The following MAX variants were observed in gnomAD, a reference collection of about 807,000 sequenced individuals.
The protein encoded by MAX is protein max.
In MAX, 3 loss-of-function variants were observed where a neutral mutation model predicts 22.3. The ratio of observed to expected loss-of-function variants is 0.13; its 90% CI spans 0.06 to 0.35. The LOEUF is 0.35. Among genes scored for constraint, MAX ranks in the 10% least tolerant of loss-of-function variants. MAX has a pLI of 1.00. For synonymous variants in MAX, 72 were observed against 77.7 expected (o/e 0.93, Z 0.39); for missense variants, 119 against 209.4 (o/e 0.57, Z 2.66).
chr14:65,076,763 T>C lies in MAX; in HGVS notation c.296-100A>G. On this transcript the variant is annotated intron_variant, in intron 4 of 4. Coordinates refer to ENST00000358664, the MANE Select transcript of MAX (RefSeq NM_002382.5). This position sits in a 1 kb window ranked among gnomAD's most constrained non-coding sequence, Gnocchi z 6.6. ...CAGCCTGTTCTTCCTAAGGGCTTGCTTGTTGGCCCCCGAGGCTCAAGATGC... is the reference window on the plus strand; with the variant it reads ...CAGCCTGTTCTTCCTAAGGGCTTGCCTGTTGGCCCCCGAGGCTCAAGATGC... The C allele has an allele frequency of 6.9e-7, 1 of 1,441,802 alleles. No individual in the cohort carries two copies. The highest frequency in any genetic ancestry group is 9.8e-7 in the Non-Finnish European group (1 of 1,025,408). 89.3% of individuals were successfully genotyped at this position (1,441,802 alleles called of 1,614,324 possible). A position where few individuals can be genotyped will look rare whatever the true frequency, so the allele number is the denominator to read the frequency against.
At chr14:65,020,917 A>G (rs1288941163) in intron 3 of MAX, among the ~76,000 whole-genome samples, 1 of 151,542 alleles carries the variant, frequency 6.6e-6, no homozygotes, top group African/African-American at 2.4e-5. Flanking sequence ...TTTTGTAAAG[A>G]CAGGCTTTCA....
chr14:65,089,339 T>C (rs2063432606), intron 3 of MAX, among the ~76,000 whole-genome samples: 1 of 152,172 alleles, frequency 6.6e-6, no homozygotes, highest in Non-Finnish European at 1.5e-5. Context: ...TTTCTTTATT[T>C]TCATTTGAAG....
At chr14:65,095,230 A>G (rs1284465599) in intron 2 of MAX, among the ~76,000 whole-genome samples, 2 of 152,212 alleles carry the variant, frequency 1.3e-5, no homozygotes, top group African/African-American at 4.8e-5. Flanking sequence ...GTTGAACTGG[A>G]CATGTGGTTC....
chr14:65,053,449 G>A (rs755083134), intron 3 of MAX: 1 of 1,029,290 alleles, frequency 9.7e-7, no homozygotes, highest in Non-Finnish European at 1.3e-6. Flanking sequence ...GAGCAGAGGT[G>A]TCACCTTCAG....
At chr14:65,085,747 G>A (rs977980697) in intron 3 of MAX, among the ~76,000 whole-genome samples, 5 of 152,168 alleles carry the variant, frequency 3.3e-5, no homozygotes, top group South Asian at 2.1e-4. Flanking sequence ...GGAAATAGAG[G>A]ACAGGCTGCA....
In MAX at chr14:65,008,665, A is replaced by C. The variant is rs1260618677; in HGVS notation, c.172-2381T>G. Among the ~76,000 whole-genome samples the C allele has an allele frequency of 2.6e-5, 4 of 152,330 alleles. No individual in the cohort carries two copies. The East Asian group carries it at 5.8e-4, about 22-fold the overall frequency. On this transcript the variant is annotated intron_variant, in intron 3 of 3. Coordinates refer to the MAX transcript ENST00000341653. ...GGGGAGAGTGTTCCAGGCAGAGGGA[A>C]CAGCATGTGCTAAAGCCAGGAGACT...
chr14:65,018,979 G>T lies in MAX; in HGVS notation c.172-12695C>A, dbSNP rs536428022. Among the ~76,000 whole-genome samples, 6 of 151,970 alleles carry T rather than the reference G, an allele frequency of 3.9e-5. No homozygotes were observed. The South Asian group carries it at 1.2e-3, about 32-fold the overall frequency. The stretch of plus-strand genomic sequence containing the variant: ...TACAAAATTAGCCAAGCGTGGTGGC[G>T]CATGCCTGTAATCCTACTCAGGAGG... On this transcript the variant is annotated intron_variant, in intron 3 of 3. Coordinates refer to the MAX transcript ENST00000341653.
intron 3 of MAX, among the ~76,000 whole-genome samples, chr14:65,041,467 T>G (rs1444814138): frequency 6.6e-6 from 1 of 152,148 alleles, no homozygotes; most frequent in Non-Finnish European, 1.5e-5. Flanking sequence ...AGATTGTAGT[T>G]AAATGATCAG....
chr14:65,045,348 T>G (rs900395157), intron 3 of MAX, among the ~76,000 whole-genome samples: 1 of 152,100 alleles, frequency 6.6e-6, no homozygotes, highest in African/African-American at 2.4e-5. Flanking sequence ...ATGTAAAAGA[T>G]GAGATTCTTT....
intron 3 of MAX, among the ~76,000 whole-genome samples, chr14:65,037,422 T>TTTG (rs2062224079): frequency 9.1e-6 from 1 of 109,588 alleles, no homozygotes; most frequent in African/African-American, 3.9e-5. Flanking sequence ...TTTTTTTTTT[T>TTTG]TTTTTTTTTT....
chr14:65,053,625 T>TAAAAAAAAACAAAAAAAAAAAAAAA (rs201558638), intron 3 of MAX, among the ~76,000 whole-genome samples: 2 of 146,300 alleles, frequency 1.4e-5, no homozygotes, highest in African/African-American at 5.4e-5. Flanking sequence ...CTTCTTTTTT[T>TAAAAAAAAACAAAAAAAAAAAAAAA]TAAAAAAAAC....
At position 65,078,527 on chromosome 14, in the gene MAX, G is replaced by A. The variant is rs1379636801; in HGVS notation, c.172-491C>T. On this transcript the variant is annotated intron_variant, in intron 3 of 4. Coordinates refer to ENST00000358664, the MANE Select transcript of MAX (RefSeq NM_002382.5). This position sits in a 1 kb window ranked among gnomAD's most constrained non-coding sequence, Gnocchi z 6.4. ...CGCCCAGCCTGTTGTTGTTGTTGTT[G>A]TTGTTGTTTTTTTTTTTTTGGAGAC... is the stretch of plus-strand genomic sequence containing the variant. 6.7e-6 allele frequency among the ~76,000 whole-genome samples: 1 copy of A among 148,264 alleles called. No homozygotes were observed. The highest frequency in any genetic ancestry group is 1.5e-5 in the Non-Finnish European group (1 of 66,974).
chr14:65,006,147 C>A (rs971710055), downstream of MAX: 6 of 1,587,200 alleles, frequency 3.8e-6, no homozygotes, highest in Non-Finnish European at 5.1e-6. Context: ...TTGTTTGTTA[C>A]CTTTGTGTCT....
intron 3 of MAX, among the ~76,000 whole-genome samples, chr14:65,089,529 G>T (rs758051835): frequency 1.3e-5 from 2 of 151,778 alleles, no homozygotes; most frequent in Non-Finnish European, 2.9e-5. Flanking sequence ...TACTGCTAAA[G>T]CCATCCATGA....
chr14:65,081,447 A>C (rs1566605051), intron 3 of MAX, among the ~76,000 whole-genome samples: 1 of 152,182 alleles, frequency 6.6e-6, no homozygotes, highest in Admixed American at 6.5e-5. Context: ...CACAGGATGA[A>C]GGTGGGGGCA....
At position 65,068,322 on chromosome 14, in the gene MAX, C is replaced by T. The variant is rs534281710; in HGVS notation, c.171+25386G>A. 5.9e-5 allele frequency among the ~76,000 whole-genome samples: 9 copies of T among 152,286 alleles called. No homozygotes were observed. In the South Asian group the frequency reaches 1.9e-3, roughly 32 times the overall value. ...TGGTGGCATACACCTGTAATCTCAG[C>T]TACTCGAGAAGCTGAGGCAGGAGAA... On this transcript the variant is annotated intron_variant, in intron 3 of 3. Transcript: ENST00000341653.
intron 3 of MAX, among the ~76,000 whole-genome samples, chr14:65,026,961 T>G (rs1250569158): frequency 6.6e-6 from 1 of 152,072 alleles, no homozygotes; most frequent in African/African-American, 2.4e-5. Context: ...AAGACCTCTA[T>G]TTACATGTTC....
intron 3 of MAX, among the ~76,000 whole-genome samples, chr14:65,022,656 C>T (rs965996529): frequency 6.6e-6 from 1 of 151,886 alleles, no homozygotes; most frequent in Non-Finnish European, 1.5e-5. Flanking sequence ...CACGAGCCAC[C>T]ACACCCAGCC....
intron 2 of MAX, among the ~76,000 whole-genome samples, chr14:65,097,132 T>G (rs756344689): frequency 2.0e-5 from 3 of 152,238 alleles, no homozygotes; most frequent in Non-Finnish European, 4.4e-5. Context: ...TCTACCCAAC[T>G]TTCCACACTG....
Sources: allele counts gnomAD v4.1 joint callset (sites outside exome capture counted in the v4.1 genomes callset), GRCh38; gene constraint gnomAD v4.1.1; non-coding constraint Gnocchi (gnomAD v3.1); transcripts MANE v1.5; gene names NCBI Gene and HGNC (gene_info 2026-07-23, HGNC 2026-07-21).